Variants in DENND11 observed in about 807,000 individuals in gnomAD.
DENND11 encodes DENN domain-containing protein 11.
In DENND11, 34 loss-of-function variants were observed where a neutral mutation model predicts 49.2. The ratio of observed to expected loss-of-function variants is 0.69; its 90% CI spans 0.53 to 0.92. DENND11 has a LOEUF of 0.92. Ranked by LOEUF, DENND11 falls within the 40% of genes least tolerant of loss-of-function variation. The pLI, the probability that DENND11 is intolerant of heterozygous loss-of-function variation, is 0.00. For synonymous variants in DENND11, 238 were observed against 230.3 expected (o/e 1.03, Z -0.30); for missense variants, 475 against 581.6 (o/e 0.82, Z 1.88).
At chr7:141,685,272 C>A (rs1376872361) in intron 3 of DENND11, among the ~76,000 whole-genome samples, 1 of 151,928 alleles carries the variant, frequency 6.6e-6, no homozygotes, top group Non-Finnish European at 1.5e-5. Context: ...AGAATATACC[C>A]CAGCTTTCAT....
At chr7:141,684,188 T>G (rs990664494) in intron 3 of DENND11, among the ~76,000 whole-genome samples, 32 of 152,282 alleles carry the variant, frequency 2.1e-4, no homozygotes, top group African/African-American at 7.2e-4. Context: ...TGATCCTCCT[T>G]GGCCTCCTAA....
chr7:141,672,064 G>A (rs1424306912), intron 4 of DENND11, among the ~76,000 whole-genome samples: 1 of 152,220 alleles, frequency 6.6e-6, no homozygotes, highest in Non-Finnish European at 1.5e-5. Context: ...GCTTTCCTTA[G>A]CATGCACAGC....
chr7:141,674,064 C>T lies in DENND11; in HGVS notation c.681+3G>A. ...AGTGTAAGAAAAGCAGGGCTAACCT[C>T]ACCTTCATCTCAGGGTACATGTATC... On this transcript the variant is annotated splice_donor_region_variant and intron_variant, in intron 4 of 8. Coordinates refer to ENST00000536163, the MANE Select transcript of DENND11 (RefSeq NM_001080392.2). 6.2e-7 allele frequency: 1 copy of T among 1,605,038 alleles called. No homozygotes were observed. The highest frequency in any genetic ancestry group is 8.5e-7 in the Non-Finnish European group (1 of 1,175,982).
rs1797764427 is a variant in DENND11, at chr7:141,659,985, G to C, written c.*2671C>G. On this transcript the variant is annotated 3_prime_UTR_variant, in exon 9 of 9. Transcript: ENST00000536163. ...GCTGCCACTGTGGAATTCCCTAGTA[G>C]AGAACTGGTAGCAAAGGATCCTAGG... 1 of 152,228 alleles carries C rather than the reference G, an allele frequency of 6.6e-6. No homozygotes were observed. The highest frequency in any genetic ancestry group is 2.4e-5 in the African/African-American group (1 of 41,446). The allele number at this position is 152,228 out of a possible 1,614,324, so 9.4% of individuals were successfully genotyped here.
chr7:141,662,599 T>A lies in DENND11; in HGVS notation c.*57A>T. 7.5e-7 allele frequency: 1 copy of A among 1,338,710 alleles called. No homozygotes were observed. Among genetic ancestry groups the A allele is most frequent in the Non-Finnish European group, 1.0e-6 (1 of 1,003,118 alleles). The allele number at this position is 1,338,710 out of a possible 1,614,324, so 82.9% of individuals were successfully genotyped here. ...AATGAGGCCCTCTGGGGCCCTGGGG[T>A]GAACTCCGGGCTGCTGACATCCCAC... On this transcript the variant is annotated 3_prime_UTR_variant, in exon 9 of 9. Coordinates refer to ENST00000536163, the MANE Select transcript of DENND11 (RefSeq NM_001080392.2).
In DENND11 at chr7:141,685,465, G is replaced by A. The variant is rs1268567476; in HGVS notation, c.527+13C>T. On this transcript the variant is annotated intron_variant, in intron 3 of 8. Coordinates refer to ENST00000536163, the MANE Select transcript of DENND11 (RefSeq NM_001080392.2). The stretch of plus-strand genomic sequence containing the variant: ...TCCTGCTGCCTCCCTGCACATGTAC[G>A]GAAGCCACGTACCGAACCTGGTTCT... 16 of 1,613,228 alleles carry A rather than the reference G, an allele frequency of 9.9e-6. No individual in the cohort carries two copies. In the Admixed American group the frequency reaches 1.3e-4, roughly 13 times the overall value.
chr7:141,690,680 T>C (rs1360016956), intron 1 of DENND11, among the ~76,000 whole-genome samples: 1 of 152,210 alleles, frequency 6.6e-6, no homozygotes, highest in Non-Finnish European at 1.5e-5. Context: ...ACTAAGACAC[T>C]TTCAATGATT....
rs374201311 is a variant in DENND11, at chr7:141,665,332, G to T, written c.821-14C>A. The T allele has an allele frequency of 2.8e-4, 451 of 1,613,682 alleles. 2 individuals carry two copies. The African/African-American group carries it at 5.3e-3, about 19-fold the overall frequency. On this transcript the variant is annotated splice_polypyrimidine_tract_variant and intron_variant, in intron 5 of 8. Coordinates refer to ENST00000536163, the MANE Select transcript of DENND11 (RefSeq NM_001080392.2). ...AGCAGCAGTACACTGTGGGGATAGA[G>T]GAGGTGAGCGGGGAGGGTCTGCCCC...
chr7:141,690,368 T>G (rs1356585025), intron 1 of DENND11, among the ~76,000 whole-genome samples: 1 of 152,118 alleles, frequency 6.6e-6, no homozygotes, highest in African/African-American at 2.4e-5. Flanking sequence ...TCTTCATGAG[T>G]TTCAGCTTCT....
In DENND11 at chr7:141,685,576, G is replaced by A. The variant is rs760670605; in HGVS notation, c.429C>T (p.Ser143=). Residue 143 remains serine (S), a synonymous_variant, in exon 3 of 9, where the codon AGC becomes AGT. Transcript: ENST00000536163. ...TCATCCGCGCGCCACGTTCCAGCTC[G>A]CTCTCCACGGGCATGTTGGCAAAGC... is the stretch of plus-strand genomic sequence containing the variant. ...LACFANMPVE[S]ELERGARMKS... is the part of the protein sequence containing the mutation. The A allele has an allele frequency of 8.0e-5, 129 of 1,613,868 alleles. No individual in the cohort carries two copies. The highest frequency in any genetic ancestry group is 1.0e-4 in the Non-Finnish European group (122 of 1,179,904).
rs995046781 is a variant in DENND11 at position 141,659,865 on chromosome 7, G to A, written c.*2791C>T. On this transcript the variant is annotated 3_prime_UTR_variant, in exon 9 of 9. Coordinates refer to ENST00000536163, the MANE Select transcript of DENND11 (RefSeq NM_001080392.2). ...CTTACAGACCTAGAAGTCTGTGAAC[G>A]ATGTTCAGCACTTTCTTCTGAACAA... is the stretch of plus-strand genomic sequence containing the variant. 1 of 152,140 alleles carries A rather than the reference G, an allele frequency of 6.6e-6. No individual in the cohort carries two copies. Among genetic ancestry groups the A allele is most frequent in the Non-Finnish European group, 1.5e-5 (1 of 68,042 alleles). The allele number at this position is 152,140 out of a possible 1,614,324, so 9.4% of individuals were successfully genotyped here.
Position 141,685,656 on chromosome 7 carries a change from T to A in DENND11, c.369-20A>T. The stretch of plus-strand genomic sequence containing the variant: ...AAATAGCTAGAAGAGACCAAATACG[T>A]AGTGTGGCTCAAGATCAGAGAGGAA... On this transcript the variant is annotated intron_variant, in intron 2 of 8. Transcript: ENST00000536163. The A allele has an allele frequency of 6.2e-7, 1 of 1,612,662 alleles. No homozygotes were observed. The highest frequency in any genetic ancestry group is 8.5e-7 in the Non-Finnish European group (1 of 1,179,206).
At chr7:141,669,912 G>A (rs1387341967) in intron 4 of DENND11, among the ~76,000 whole-genome samples, 9 of 145,488 alleles carry the variant, frequency 6.2e-5, no homozygotes, top group African/African-American at 2.3e-4. Context: ...TGGGGTTCAC[G>A]CCATTCTCCT....
intron 1 of DENND11, among the ~76,000 whole-genome samples, chr7:141,693,130 T>C (rs549581888): frequency 6.6e-6 from 1 of 152,352 alleles, no homozygotes; most frequent in South Asian, 2.1e-4. Flanking sequence ...AGGACTGTTA[T>C]CTAAAATATA....
intron 3 of DENND11, among the ~76,000 whole-genome samples, chr7:141,676,153 T>C (rs1057280093): frequency 5.3e-5 from 8 of 152,238 alleles, no homozygotes; most frequent in Non-Finnish European, 1.2e-4. Flanking sequence ...GGAATTTCCC[T>C]AAAAAGAACA....
In DENND11 at chr7:141,701,894, G is replaced by T. The variant is rs1584731550; in HGVS notation, c.260C>A (p.Pro87His). 8.3e-7 allele frequency: 1 copy of T among 1,207,436 alleles called. No homozygotes were observed. The highest frequency in any genetic ancestry group is 1.0e-6 in the Non-Finnish European group (1 of 972,850). 74.8% of individuals were successfully genotyped at this position (1,207,436 alleles called of 1,614,324 possible). The stretch of plus-strand genomic sequence containing the variant: ...CCCGGCGCGGCCCTCACCCGAGCGG[G>T]GGTCGAAGGTGACCACGAACACGGC... ...VVAVFVVTFD[P>H]RSGNMVEWCL... The change falls in exon 1 of 9, where the codon CCC becomes CAC. Residue 87 changes from proline (P) to histidine (H), a missense_variant. Transcript: ENST00000536163.
At chr7:141,682,587 A>G (rs928608169) in intron 3 of DENND11, among the ~76,000 whole-genome samples, 2 of 152,246 alleles carry the variant, frequency 1.3e-5, no homozygotes, top group African/African-American at 2.4e-5. Context: ...TTTGGGAAAG[A>G]GCACCTTACA....
rs1210772433 is a variant in DENND11, at chr7:141,702,098, A to ACGGCGGGGCCCTCGGCC, written c.39_55dup (p.Val19GlyfsTer81). On this transcript the variant is annotated frameshift_variant, in exon 1 of 9. Coordinates refer to ENST00000536163, the MANE Select transcript of DENND11 (RefSeq NM_001080392.2). LOFTEE classifies it high-confidence loss of function. ...CGGCTGCGGGGCCTGCGGCAGGGAGACGGCGGGGCCCTCGGCCCAGCGCAG... is the reference window on the plus strand; with the variant it reads ...CGGCTGCGGGGCCTGCGGCAGGGAGACGGCGGGGCCCTCGGCCCGGCGGGGCCCTCGGCCCAGCGCAG... 7.1e-6 allele frequency: 7 copies of ACGGCGGGGCCCTCGGCC among 984,046 alleles called. No individual in the cohort carries two copies. Among genetic ancestry groups the ACGGCGGGGCCCTCGGCC allele is most frequent in the Non-Finnish European group, 8.4e-6 (7 of 830,698 alleles). The allele number at this position is 984,046 out of a possible 1,614,324, so 61.0% of individuals were successfully genotyped here.
intron 1 of DENND11, among the ~76,000 whole-genome samples, chr7:141,695,980 G>A (rs1307560987): frequency 2.0e-5 from 3 of 152,188 alleles, no homozygotes; most frequent in African/African-American, 2.4e-5. Flanking sequence ...TTGGCAGCAC[G>A]GTGCCTGCCA....
Sources: gnomAD v4.1 joint callset for allele counts (sites outside exome capture counted in the v4.1 genomes callset) on GRCh38, gnomAD v4.1.1 for gene constraint, MANE v1.5 for transcripts, NCBI Gene and HGNC (gene_info 2026-07-23, HGNC 2026-07-21) for gene names.